EXTL3: variants seen among roughly 807,000 people sequenced by gnomAD.
EXTL3 encodes exostosin-like 3.
EXTL3 carries 27 observed loss-of-function variants against 69.3 expected under a neutral mutation model. The ratio of observed to expected loss-of-function variants is 0.39; its 90% CI spans 0.29 to 0.54. The LOEUF (loss-of-function observed/expected upper bound fraction) is 0.54, where lower values mean the gene tolerates loss of function less well. Among genes scored for constraint, EXTL3 ranks in the 20% least tolerant of loss-of-function variants. The pLI is 0.69. For missense variants in EXTL3, 1,003 were observed against 1,231.8 expected (o/e 0.81, Z 2.78); for synonymous variants, 511 against 499.4 (o/e 1.02, Z -0.31).
At chr8:28,625,380 G>T (rs982294716) in intron 1 of EXTL3, among the ~76,000 whole-genome samples, 2 of 152,200 alleles carry the variant, frequency 1.3e-5, no homozygotes, top group East Asian at 3.8e-4. Flanking sequence ...AGGGAAAAAG[G>T]AACGCAGAAA....
chr8:28,669,579 A>G (rs1028597803), intron 1 of EXTL3, among the ~76,000 whole-genome samples: 6 of 152,236 alleles, frequency 3.9e-5, no homozygotes, highest in African/African-American at 1.2e-4. Context: ...AATGGAGGGC[A>G]GAAAGCCCTG....
chr8:28,671,170 C>T lies in EXTL3; in HGVS notation c.-52-42287C>T, dbSNP rs139526833. On this transcript the variant is annotated intron_variant, in intron 1 of 6. Coordinates refer to the EXTL3 transcript ENST00000523149. ...TAATTTTTTGTATTTTTAGTAGAGA[C>T]GGAGTTTCACCATGTTGGCTAGGCT... Among the ~76,000 whole-genome samples the T allele has an allele frequency of 1.8e-3, 268 of 151,854 alleles. 2 individuals carry two copies. The highest frequency in any genetic ancestry group is 5.7e-3 in the African/African-American group (238 of 41,420).
At chr8:28,680,620 A>G (rs1807469988) in intron 1 of EXTL3, among the ~76,000 whole-genome samples, 1 of 152,164 alleles carries the variant, frequency 6.6e-6, no homozygotes, top group Non-Finnish European at 1.5e-5. Flanking sequence ...AGCAATTTAT[A>G]AATATACATT....
At chr8:28,647,674 C>T (rs1806855249) in intron 1 of EXTL3, among the ~76,000 whole-genome samples, 1 of 152,090 alleles carries the variant, frequency 6.6e-6, no homozygotes, top group South Asian at 2.1e-4. Context: ...GCTGATGGTT[C>T]TTTTCTGACA....
rs1563229888 is a variant in EXTL3 at position 28,754,897 on chromosome 8, C to T, written c.*4031C>T. On this transcript the variant is annotated 3_prime_UTR_variant, in exon 7 of 7. Coordinates refer to ENST00000220562, the MANE Select transcript of EXTL3 (RefSeq NM_001440.4). ...GGGCAACATAGCAAGACCCCCATCT[C>T]TACAAAAAAATTAGAATGTTATGAA... 1 of 152,072 alleles carries T rather than the reference C, an allele frequency of 6.6e-6. No homozygotes were observed. The highest frequency in any genetic ancestry group is 1.5e-5 in the Non-Finnish European group (1 of 68,084). 9.4% of individuals were successfully genotyped at this position (152,072 alleles called of 1,614,324 possible). A position where few individuals can be genotyped will look rare whatever the true frequency, so the allele number is the denominator to read the frequency against.
chr8:28,700,008 G>T (rs1244101135), upstream of EXTL3: 2 of 151,544 alleles, frequency 1.3e-5, no homozygotes, highest in Non-Finnish European at 2.9e-5. Flanking sequence ...TGCCTGCTGT[G>T]GCCGCGTACC....
chr8:28,735,195 G>C (rs1031119942), intron 4 of EXTL3, among the ~76,000 whole-genome samples: 2 of 152,130 alleles, frequency 1.3e-5, no homozygotes, highest in African/African-American at 4.8e-5. Flanking sequence ...GCTGCTGCAG[G>C]TGGTAGTGGT....
In EXTL3 at chr8:28,755,050, A is replaced by T. The variant is rs1563229932; in HGVS notation, c.*4184A>T. 1 of 152,222 alleles carries T rather than the reference A, an allele frequency of 6.6e-6. No individual in the cohort carries two copies. 9.4% of individuals were successfully genotyped at this position (152,222 alleles called of 1,614,324 possible). ...TTATCTATTACTATTTTAGGCTCTA[A>T]TCCCACCATACGGTGGCAAAAGTTG... On this transcript the variant is annotated 3_prime_UTR_variant, in exon 7 of 7. Coordinates refer to ENST00000220562, the MANE Select transcript of EXTL3 (RefSeq NM_001440.4).
In EXTL3 at chr8:28,752,583, C is replaced by CT. The variant is rs553285559; in HGVS notation, c.*1718dup. The CT allele has an allele frequency of 1.3e-5, 2 of 152,774 alleles. No individual in the cohort carries two copies. The highest frequency in any genetic ancestry group is 4.2e-4 in the South Asian group (2 of 4,818). The allele number at this position is 152,774 out of a possible 1,614,324, so 9.5% of individuals were successfully genotyped here. The stretch of plus-strand genomic sequence containing the variant: ...AGGGCTAGCTCGGCTTAAGGGAACT[C>CT]TCCCCATTGGCAAACCGGACCCGGC... On this transcript the variant is annotated 3_prime_UTR_variant, in exon 7 of 7. Coordinates refer to ENST00000220562, the MANE Select transcript of EXTL3 (RefSeq NM_001440.4).
At chr8:28,744,733 C>T (rs1801849621) in intron 6 of EXTL3, among the ~76,000 whole-genome samples, 1 of 151,040 alleles carries the variant, frequency 6.6e-6, no homozygotes, top group Admixed American at 6.6e-5. Context: ...GCGGAGGTTG[C>T]AGTAAGCCAA....
intron 1 of EXTL3, among the ~76,000 whole-genome samples, chr8:28,635,520 T>C (rs1585223736): frequency 7.0e-6 from 1 of 142,982 alleles, no homozygotes; most frequent in African/African-American, 2.7e-5. Context: ...GCTAATGCAG[T>C]GAAACCCTGT....
intron 2 of EXTL3, among the ~76,000 whole-genome samples, chr8:28,610,888 G>A (rs552093969): frequency 2.0e-5 from 3 of 151,950 alleles, no homozygotes; most frequent in South Asian, 2.1e-4. Flanking sequence ...GATTACAGGC[G>A]CCTGCCACCA....
rs777062986 is a variant in EXTL3, at chr8:28,645,315, C to T, written c.-53+22505C>T. Among the ~76,000 whole-genome samples, 10 of 152,286 alleles carry T rather than the reference C, an allele frequency of 6.6e-5. No homozygotes were observed. In the South Asian group the frequency reaches 1.2e-3, roughly 19 times the overall value. ...CTATCTTATGGAAATAATTAAAACT[C>T]GTGCAAAAACATTTAGGTCTAACAT... On this transcript the variant is annotated intron_variant, in intron 1 of 6. Coordinates refer to the EXTL3 transcript ENST00000523149.
intron 1 of EXTL3, among the ~76,000 whole-genome samples, chr8:28,705,103 C>T (rs565834709): frequency 2.0e-5 from 3 of 152,078 alleles, no homozygotes; most frequent in South Asian, 2.1e-4. Flanking sequence ...GGAGGTGAAA[C>T]GAGAAGGAGG....
intron 1 of EXTL3, among the ~76,000 whole-genome samples, chr8:28,671,416 G>A (rs531911875): frequency 1.3e-3 from 187 of 145,786 alleles, no homozygotes; most frequent in Non-Finnish European, 2.0e-3. Flanking sequence ...TCAAGATTTC[G>A]GCAACCTCTG....
chr8:28,675,750 G>A (rs543813314), intron 1 of EXTL3, among the ~76,000 whole-genome samples: 5 of 152,200 alleles, frequency 3.3e-5, no homozygotes, highest in African/African-American at 1.2e-4. Flanking sequence ...GGCTGGGCGC[G>A]GCAGCTCATG....
At chr8:28,610,931 T>C (rs1806264279) in intron 2 of EXTL3, among the ~76,000 whole-genome samples, 1 of 152,070 alleles carries the variant, frequency 6.6e-6, no homozygotes. Context: ...TTAGTAAAGA[T>C]GGGGTTTCAC....
chr8:28,629,616 G>A (rs914007633), intron 1 of EXTL3, among the ~76,000 whole-genome samples: 1 of 152,050 alleles, frequency 6.6e-6, no homozygotes, highest in Non-Finnish European at 1.5e-5. Flanking sequence ...AGAGTTGGAG[G>A]GGAGATGTTA....
intron 1 of EXTL3, among the ~76,000 whole-genome samples, chr8:28,637,649 A>T (rs1806678097): frequency 6.6e-6 from 1 of 151,334 alleles, no homozygotes; most frequent in African/African-American, 2.4e-5. Context: ...AAAAACAATC[A>T]ATCTGTGGAT....
Sources: allele counts gnomAD v4.1 joint callset (sites outside exome capture counted in the v4.1 genomes callset), GRCh38; gene constraint gnomAD v4.1.1; transcripts MANE v1.5; gene names NCBI Gene and HGNC (gene_info 2026-07-23, HGNC 2026-07-21).